Variants in GLT1D1 observed in about 807,000 individuals in gnomAD.
GLT1D1 encodes glycosyltransferase 1 domain containing 1.
Under a neutral mutation model 28.7 loss-of-function variants are expected in GLT1D1, and 21 were observed. The observed-to-expected ratio is 0.73, with a 90% CI of 0.52 to 1.05. GLT1D1 has a LOEUF of 1.05. Ranked by LOEUF, GLT1D1 falls within the 50% of genes least tolerant of loss-of-function variation. The pLI is 0.00. For missense variants in GLT1D1, 343 were observed against 330.6 expected (o/e 1.04, Z -0.29); for synonymous variants, 147 against 124.8 (o/e 1.18, Z -1.19).
At chr12:128,904,267 T>C (rs1020869480) in intron 4 of GLT1D1, among the ~76,000 whole-genome samples, 2 of 151,912 alleles carry the variant, frequency 1.3e-5, no homozygotes, top group African/African-American at 4.9e-5. Flanking sequence ...TACCTGCAAA[T>C]GTACTTTGAT....
At chr12:128,925,847 AT>A (rs113759268) in intron 4 of GLT1D1, among the ~76,000 whole-genome samples, 2,437 of 152,004 alleles carry the variant, frequency 0.016, 72 homozygotes, top group African/African-American at 0.055. Context: ...GCTCAGCTCC[AT>A]TTTTTCCCAC....
In GLT1D1 at chr12:128,947,359, T is replaced by C; in HGVS notation, c.441T>C (p.Ile147=). The change falls in exon 6 of 8, where the codon ATT becomes ATC. Residue 147 remains isoleucine, a synonymous_variant. Transcript: ENST00000281703. ...TCAGAGCCGCTGGGGTACGATTGATTGGAGAGATGCCTCAAGAAGATCTGC... is the reference window on the plus strand; with the variant it reads ...TCAGAGCCGCTGGGGTACGATTGATCGGAGAGATGCCTCAAGAAGATCTGC... 6.2e-7 allele frequency: 1 copy of C among 1,614,054 alleles called. No homozygotes were observed. The highest frequency in any genetic ancestry group is 8.5e-7 in the Non-Finnish European group (1 of 1,179,978).
At chr12:128,968,376 T>G (rs113457433) in intron 7 of GLT1D1, among the ~76,000 whole-genome samples, 1 of 150,944 alleles carries the variant, frequency 6.6e-6, no homozygotes, top group Non-Finnish European at 1.5e-5. Flanking sequence ...CTAATAATAA[T>G]ACAAGGACAC....
At chr12:128,949,923 A>C (rs1405794031) in intron 6 of GLT1D1, among the ~76,000 whole-genome samples, 2 of 152,168 alleles carry the variant, frequency 1.3e-5, no homozygotes, top group Admixed American at 1.3e-4. Flanking sequence ...AGAGACGAGC[A>C]CCTGCAGGAA....
intron 4 of GLT1D1, among the ~76,000 whole-genome samples, chr12:128,903,011 G>T (rs1214947038): frequency 6.9e-6 from 1 of 145,484 alleles, no homozygotes; most frequent in African/African-American, 2.6e-5. Flanking sequence ...GCCACTGCAA[G>T]ACTCCGTCTC....
At chr12:128,880,810 C>T (rs1296010977) in intron 2 of GLT1D1, among the ~76,000 whole-genome samples, 2 of 152,066 alleles carry the variant, frequency 1.3e-5, no homozygotes, top group African/African-American at 2.4e-5. Flanking sequence ...CCTGCAGTTT[C>T]GCCACCCAGA....
intron 4 of GLT1D1, among the ~76,000 whole-genome samples, chr12:128,939,836 A>AT (rs1212803088): frequency 2.5e-5 from 2 of 78,462 alleles, no homozygotes; most frequent in East Asian, 2.8e-4. Context: ...AATTGTTAGA[A>AT]ACCCCCCCCC....
At chr12:128,926,512 T>G (rs1364205093) in intron 4 of GLT1D1, 58 bp downstream of exon 7, 4 of 852,430 alleles carry the variant, frequency 4.7e-6, no homozygotes, top group Non-Finnish European at 7.5e-6. Flanking sequence ...GGCGCCCATC[T>G]CAGCATTTCT....
At chr12:128,886,979 TAC>T (rs945690926) in intron 2 of GLT1D1, among the ~76,000 whole-genome samples, 1 of 151,942 alleles carries the variant, frequency 6.6e-6, no homozygotes, top group East Asian at 1.9e-4. Flanking sequence ...TATAAAATGT[TAC>T]AGAGTGAAAA....
chr12:128,907,530 C>T lies in GLT1D1; in HGVS notation c.375+8243C>T, dbSNP rs1419595592. On this transcript the variant is annotated intron_variant, in intron 4 of 7. Transcript: ENST00000281703. ...CCGTGTTAGCCAGGCTGGTCTTGAT[C>T]TCCTGATCTTGTGATCCACCCGCCT... 5.9e-5 allele frequency among the ~76,000 whole-genome samples: 9 copies of T among 152,286 alleles called. No individual in the cohort carries two copies. The East Asian group carries it at 1.7e-3, about 29-fold the overall frequency.
intron 4 of GLT1D1, among the ~76,000 whole-genome samples, chr12:128,912,787 C>A (rs972624210): frequency 2.0e-5 from 3 of 152,040 alleles, no homozygotes; most frequent in Non-Finnish European, 2.9e-5. Flanking sequence ...CTCAGCCCCC[C>A]CAGTAGCTGG....
At chr12:128,944,983 T>A in intron 4 of GLT1D1, 2 of 574,558 alleles carry the variant, frequency 3.5e-6, no homozygotes, top group Non-Finnish European at 6.2e-6. Context: ...TGTGTGATGT[T>A]CCCCTCCCTG....
chr12:128,954,275 C>T (rs1310508800), intron 6 of GLT1D1, among the ~76,000 whole-genome samples: 3 of 145,438 alleles, frequency 2.1e-5, no homozygotes, highest in African/African-American at 7.6e-5. Context: ...GCACCCACCA[C>T]CACACCCGGC....
At chr12:128,863,526 C>T (rs11059986) in intron 1 of GLT1D1, among the ~76,000 whole-genome samples, 40,819 of 151,874 alleles carry the variant, frequency 0.27, 5,774 homozygotes, top group South Asian at 0.53. Flanking sequence ...GCATGTGCCA[C>T]CGCACCCAGC....
chr12:128,862,340 A>C (rs1394011045), intron 1 of GLT1D1, among the ~76,000 whole-genome samples: 3 of 150,764 alleles, frequency 2.0e-5, no homozygotes, highest in African/African-American at 7.3e-5. Context: ...AAAAAAAAAA[A>C]AAAAAAACCA....
chr12:128,899,395 T>C (rs1869992212), intron 4 of GLT1D1, 108 bp downstream of exon 4: 1 of 889,082 alleles, frequency 1.1e-6, no homozygotes, highest in African/African-American at 1.6e-5. Flanking sequence ...GGACGGTGCC[T>C]GTTGCGGCCA....
At chr12:128,968,649 C>A (rs111482514) in intron 7 of GLT1D1, among the ~76,000 whole-genome samples, 3,821 of 152,034 alleles carry the variant, frequency 0.025, 158 homozygotes, top group African/African-American at 0.086. Context: ...GGTGACAGTG[C>A]GAGACATCGT....
intron 4 of GLT1D1, 134 bp from the exon 7 acceptor site, chr12:128,926,225 A>G (rs1489095092): frequency 3.7e-5 from 8 of 218,286 alleles, no homozygotes; most frequent in African/African-American, 1.7e-4. Context: ...AATAATAATA[A>G]TAATAATAAT....
chr12:128,916,043 G>A (rs1005254792), intron 4 of GLT1D1, among the ~76,000 whole-genome samples: 4 of 152,072 alleles, frequency 2.6e-5, no homozygotes, highest in Admixed American at 6.5e-5. Flanking sequence ...CTTTATAGGC[G>A]ATTCCTAGTC....
Sources: allele counts gnomAD v4.1 joint callset (sites outside exome capture counted in the v4.1 genomes callset), GRCh38; gene constraint gnomAD v4.1.1; transcripts MANE v1.5; gene names NCBI Gene and HGNC (gene_info 2026-07-23, HGNC 2026-07-21).